PPCDC: variants seen among roughly 807,000 people sequenced by gnomAD.
PPCDC encodes the protein phosphopantothenoylcysteine decarboxylase.
A neutral mutation model predicts 20.7 loss-of-function variants in PPCDC; 20 were observed. The observed-to-expected ratio is 0.97, with a 90% CI of 0.68 to 1.41. The LOEUF is 1.41. PPCDC is among the 40% of genes most tolerant of loss of function. The pLI is 0.00. For missense variants in PPCDC, 246 were observed against 263.8 expected (o/e 0.93, Z 0.47); for synonymous variants, 88 against 100.3 (o/e 0.88, Z 0.73).
At chr15:75,045,237 C>T (rs574631474) in intron 4 of PPCDC, 3 of 153,148 alleles carry the variant, frequency 2.0e-5, no homozygotes, top group East Asian at 1.9e-4. Flanking sequence ...ATTGAGCTTT[C>T]GCCTACCACG....
chr15:75,028,316 C>T lies in PPCDC; in HGVS notation c.-3C>T. ...CCCAGAACTTGAAGCCACCAGACCCCACATGGAACCAAAGGCCTCCTGTCC... is the reference window on the plus strand; with the variant it reads ...CCCAGAACTTGAAGCCACCAGACCCTACATGGAACCAAAGGCCTCCTGTCC... On this transcript the variant is annotated 5_prime_UTR_variant, in exon 2 of 6. Coordinates refer to ENST00000342932, the MANE Select transcript of PPCDC (RefSeq NM_021823.5). 2 of 1,614,016 alleles carry T rather than the reference C, an allele frequency of 1.2e-6. No homozygotes were observed. Among genetic ancestry groups the T allele is most frequent in the Non-Finnish European group, 1.7e-6 (2 of 1,179,976 alleles).
At chr15:75,048,153 G>A (rs758431637) in intron 4 of PPCDC, among the ~76,000 whole-genome samples, 8 of 152,168 alleles carry the variant, frequency 5.3e-5, no homozygotes, top group Admixed American at 2.0e-4. Context: ...AGTTGGCCTC[G>A]GAGAGCTGAT....
At chr15:75,043,607 G>A in intron 3 of PPCDC, 71 bp downstream of exon 3, 2 of 1,341,630 alleles carry the variant, frequency 1.5e-6, no homozygotes, top group Non-Finnish European at 2.1e-6. Flanking sequence ...CCTCCCTACG[G>A]CCTATGGTCT....
intron 2 of PPCDC, among the ~76,000 whole-genome samples, chr15:75,041,982 G>A (rs941767581): frequency 6.6e-6 from 1 of 152,208 alleles, no homozygotes; most frequent in Non-Finnish European, 1.5e-5. Flanking sequence ...GCACCACGTC[G>A]CTCTCACGTA....
At position 75,049,323 on chromosome 15, in the gene PPCDC, T is replaced by G; in HGVS notation, c.*88T>G. The G allele has an allele frequency of 7.9e-7, 1 of 1,270,740 alleles. No homozygotes were observed. The highest frequency in any genetic ancestry group is 1.1e-6 in the Non-Finnish European group (1 of 888,452). 78.7% of individuals were successfully genotyped at this position (1,270,740 alleles called of 1,614,324 possible). A position where few individuals can be genotyped will look rare whatever the true frequency, so the allele number is the denominator to read the frequency against. ...GATGGATGTTGGCAAAATAGGAGGA[T>G]ACCCTCATTTGCTGAATGGGGGACC... On this transcript the variant is annotated 3_prime_UTR_variant, in exon 6 of 6. Transcript: ENST00000342932.
Position 75,044,491 on chromosome 15 carries a change from A to G in PPCDC, c.337A>G (p.Ser113Gly), listed in dbSNP as rs1201052519. Residue 113 changes from serine to glycine, a missense_variant, in exon 4 of 6, where the codon AGT (serine) becomes GGT (glycine). Transcript: ENST00000342932. Reference sequence around the variant, plus strand: ...TGCCAACACTCTGGGGAAGGTGGCCAGTGGCATCTGTGACAACTTGCTTGT... The same window carrying G: ...TGCCAACACTCTGGGGAAGGTGGCCGGTGGCATCTGTGACAACTTGCTTGT... Reference protein sequence around the residue: ...LDANTLGKVASGICDNLLTCV... With the variant: ...LDANTLGKVAGGICDNLLTCV... 4 of 1,614,142 alleles carry G rather than the reference A, an allele frequency of 2.5e-6. No homozygotes were observed. The highest frequency in any genetic ancestry group is 1.1e-5 in the South Asian group (1 of 91,084).
At chr15:75,043,720 T>G in intron 3 of PPCDC, 184 bp downstream of exon 3, 1 of 597,456 alleles carries the variant, frequency 1.7e-6, no homozygotes, top group South Asian at 2.1e-5. Flanking sequence ...CAGGAGGCCC[T>G]AGTCTCCTCC....
chr15:75,030,658 C>T (rs922434579), intron 2 of PPCDC, among the ~76,000 whole-genome samples: 5 of 152,196 alleles, frequency 3.3e-5, no homozygotes, highest in Non-Finnish European at 7.4e-5. Context: ...GGATCTCCTG[C>T]AGGAGCATCA....
At chr15:75,033,983 T>C (rs1175444574) in intron 2 of PPCDC, among the ~76,000 whole-genome samples, 2 of 151,936 alleles carry the variant, frequency 1.3e-5, no homozygotes, top group Admixed American at 1.3e-4. Context: ...GAACACCAGC[T>C]CCCCCAGGGG....
At chr15:75,033,517 T>G (rs58645417) in intron 2 of PPCDC, among the ~76,000 whole-genome samples, 26,067 of 151,684 alleles carry the variant, frequency 0.17, 3,313 homozygotes, top group South Asian at 0.43. Context: ...GTGTGTGTGT[T>G]TTTTTGTTTG....
chr15:75,032,157 T>C (rs564216635), intron 2 of PPCDC, among the ~76,000 whole-genome samples: 1 of 152,302 alleles, frequency 6.6e-6, no homozygotes, highest in East Asian at 1.9e-4. Context: ...AACTCCTTCA[T>C]CCACACCCTT....
chr15:75,036,750 T>C (rs12917120), intron 2 of PPCDC, among the ~76,000 whole-genome samples: 93,992 of 151,968 alleles, frequency 0.62, 29,312 homozygotes, highest in Middle Eastern at 0.74. Context: ...AAGGGTAGAG[T>C]TGAGAGGGAG....
intron 2 of PPCDC, 37 bp from the exon 3 acceptor site, chr15:75,043,404 T>A: frequency 1.3e-6 from 2 of 1,558,710 alleles, no homozygotes; most frequent in Non-Finnish European, 1.8e-6. Flanking sequence ...AACAGTTTCT[T>A]CCTCCCTCCC....
intron 4 of PPCDC, among the ~76,000 whole-genome samples, chr15:75,047,979 C>T (rs561273340): frequency 1.3e-5 from 2 of 152,226 alleles, no homozygotes; most frequent in South Asian, 4.2e-4. Flanking sequence ...CTGGGTGGTG[C>T]CCATTGTCCG....
chr15:75,036,463 A>G (rs2058856500), intron 2 of PPCDC, among the ~76,000 whole-genome samples: 1 of 152,174 alleles, frequency 6.6e-6, no homozygotes, highest in South Asian at 2.1e-4. Flanking sequence ...CAGCTGCTTC[A>G]GTGGGTCAGA....
intron 1 of PPCDC, among the ~76,000 whole-genome samples, chr15:75,024,446 C>T (rs1333717861): frequency 1.3e-5 from 2 of 151,468 alleles, no homozygotes; most frequent in South Asian, 4.2e-4. Context: ...CTCCTGGGCT[C>T]AAGGGATCCT....
At chr15:75,039,999 A>G (rs2066133938) in intron 2 of PPCDC, among the ~76,000 whole-genome samples, 1 of 151,856 alleles carries the variant, frequency 6.6e-6, no homozygotes, top group Non-Finnish European at 1.5e-5. Context: ...GGTCAGGCTG[A>G]TCTCGACCTC....
chr15:75,027,888 G>A (rs2065975928), intron 1 of PPCDC, among the ~76,000 whole-genome samples: 1 of 152,098 alleles, frequency 6.6e-6, no homozygotes, highest in Admixed American at 6.5e-5. Flanking sequence ...CCTTCACCTT[G>A]GCAAGATTGT....
At position 75,049,202 on chromosome 15, in the gene PPCDC, C is replaced by T; in HGVS notation, c.582C>T (p.Val194=). ...VGTIVDKVKE[V]LFQHSGFQQS ...CCATCGTGGACAAAGTGAAAGAAGT[C>T]CTCTTCCAGCACAGTGGCTTCCAGC... Residue 194 remains valine, a synonymous_variant, in exon 6 of 6, where the codon GTC becomes GTT. Coordinates refer to ENST00000342932, the MANE Select transcript of PPCDC (RefSeq NM_021823.5). 1 of 1,614,220 alleles carries T rather than the reference C, an allele frequency of 6.2e-7. No individual in the cohort carries two copies. The highest frequency in any genetic ancestry group is 8.5e-7 in the Non-Finnish European group (1 of 1,180,028).
Sources: gnomAD v4.1 joint callset for allele counts (sites outside exome capture counted in the v4.1 genomes callset) on GRCh38, gnomAD v4.1.1 for gene constraint, MANE v1.5 for transcripts, NCBI Gene and HGNC (gene_info 2026-07-23, HGNC 2026-07-21) for gene names.